The following BMP8B variants were observed in gnomAD, a reference collection of about 807,000 sequenced individuals.
BMP8B encodes the protein bone morphogenetic protein 8b, also known as bone morphogenetic protein 8 (osteogenic protein 2).
Under a neutral mutation model 30.3 loss-of-function variants are expected in BMP8B, and 17 were observed. The ratio of observed to expected loss-of-function variants is 0.56; its 90% CI spans 0.38 to 0.84. The LOEUF is 0.84. Ranked by LOEUF, BMP8B falls within the 40% of genes least tolerant of loss-of-function variation. BMP8B has a pLI of 0.00. For missense variants in BMP8B, 253 were observed against 494.6 expected (o/e 0.51, Z 4.63); for synonymous variants, 131 against 214.7 (o/e 0.61, Z 3.41).
At chr1:39,786,780 T>C (rs1312340130) in intron 1 of BMP8B, among the ~76,000 whole-genome samples, 1 of 152,202 alleles carries the variant, frequency 6.6e-6, no homozygotes, top group East Asian at 1.9e-4. Context: ...TCCCACCGGC[T>C]AGAGTCCTGT....
chr1:39,782,463 GT>G (rs1347005244), intron 1 of BMP8B, among the ~76,000 whole-genome samples: 1 of 151,868 alleles, frequency 6.6e-6, no homozygotes, highest in Non-Finnish European at 1.5e-5. Context: ...CACTTGCTTT[GT>G]TTTTGTTTTT....
chr1:39,775,097 A>C, intron 1 of BMP8B, 59 bp from the exon 2 acceptor site: 1 of 1,531,514 alleles, frequency 6.5e-7, no homozygotes, highest in Admixed American at 1.9e-5. Context: ...TGGAGGGGGC[A>C]GAGCTGGTGT....
At position 39,760,082 on chromosome 1, in the gene BMP8B, C is replaced by T; in HGVS notation, c.*337G>A. Reference sequence around the variant, plus strand: ...TTCCACATCTATCTCACGACCTGAGCCAGTAAGGGGCATGGATAGGACCTC... The same window carrying T: ...TTCCACATCTATCTCACGACCTGAGTCAGTAAGGGGCATGGATAGGACCTC... On this transcript the variant is annotated 3_prime_UTR_variant, in exon 7 of 7. Transcript: ENST00000372827. 1 of 323,734 alleles carries T rather than the reference C, an allele frequency of 3.1e-6. No homozygotes were observed. The highest frequency in any genetic ancestry group is 5.9e-6 in the Non-Finnish European group (1 of 170,470). The allele number at this position is 323,734 out of a possible 1,614,324, so 20.1% of individuals were successfully genotyped here.
At position 39,788,695 on chromosome 1, in the gene BMP8B, A is replaced by G; in HGVS notation, c.-210T>C. ...CCTGTCCTGGCTCCTGGACGAGAGG[A>G]CGCGGACGCCACCGCCTCGAGGCCG... On this transcript the variant is annotated 5_prime_UTR_variant, in exon 1 of 7. Transcript: ENST00000372827. The surrounding 1 kb of genome is among the most constrained non-coding windows in gnomAD (Gnocchi z 5.8). 3.8e-6 allele frequency: 1 copy of G among 261,614 alleles called. No individual in the cohort carries two copies. Among genetic ancestry groups the G allele is most frequent in the African/African-American group, 2.3e-5 (1 of 42,926 alleles). 16.2% of individuals were successfully genotyped at this position (261,614 alleles called of 1,614,324 possible).
In BMP8B at chr1:39,769,032, TA is replaced by T. The variant is rs1251804397; in HGVS notation, c.674-4216del. Reference sequence around the variant, plus strand: ...CATTTCTATAAATAAATTTAAAAAATAAAAAAAAATAAGCAGGCATTGTGAT... The same window carrying T: ...CATTTCTATAAATAAATTTAAAAAATAAAAAAAATAAGCAGGCATTGTGAT... On this transcript the variant is annotated intron_variant, in intron 3 of 6. Coordinates refer to ENST00000372827, the MANE Select transcript of BMP8B (RefSeq NM_001720.5). Among the ~76,000 whole-genome samples, 47 of 144,154 alleles carry T rather than the reference TA, an allele frequency of 3.3e-4. 1 individual carries two copies. Among genetic ancestry groups the T allele is most frequent in the African/African-American group, 1.1e-3 (43 of 38,016 alleles). 94.6% of individuals were successfully genotyped at this position (144,154 alleles called of 152,430 possible). A position where few individuals can be genotyped will look rare whatever the true frequency, so the allele number is the denominator to read the frequency against.
Position 39,760,044 on chromosome 1 carries a change from G to A in BMP8B, c.*375C>T, listed in dbSNP as rs1436544810. ...AGGTGGCCAACAGTGGGCTCCAGGTGCCTCTCAGGTCATTCCACATCTATC... is the reference window on the plus strand; with the variant it reads ...AGGTGGCCAACAGTGGGCTCCAGGTACCTCTCAGGTCATTCCACATCTATC... On this transcript the variant is annotated 3_prime_UTR_variant, in exon 7 of 7. Transcript: ENST00000372827. 7.9e-6 allele frequency: 2 copies of A among 254,240 alleles called. No homozygotes were observed. The highest frequency in any genetic ancestry group is 4.4e-5 in the African/African-American group (2 of 45,104). 15.7% of individuals were successfully genotyped at this position (254,240 alleles called of 1,614,324 possible). A position where few individuals can be genotyped will look rare whatever the true frequency, so the allele number is the denominator to read the frequency against.
At chr1:39,787,586 A>G (rs1258271753) in intron 1 of BMP8B, among the ~76,000 whole-genome samples, 1 of 151,952 alleles carries the variant, frequency 6.6e-6, no homozygotes, top group East Asian at 1.9e-4. Context: ...TGTTGGGCCC[A>G]GGGTGACAAG....
chr1:39,788,126 G>T lies in BMP8B; in HGVS notation c.334+26C>A. The T allele has an allele frequency of 6.5e-7, 1 of 1,542,462 alleles. No individual in the cohort carries two copies. On this transcript the variant is annotated intron_variant, in intron 1 of 6. Coordinates refer to ENST00000372827, the MANE Select transcript of BMP8B (RefSeq NM_001720.5). The surrounding 1 kb of genome is among the most constrained non-coding windows in gnomAD (Gnocchi z 5.8). Reference sequence around the variant, plus strand: ...CCCCTGCAGCCAGCTTACTCCGAGGGTCCCCGCGCGGGCGGCCGCACTCAC... The same window carrying T: ...CCCCTGCAGCCAGCTTACTCCGAGGTTCCCCGCGCGGGCGGCCGCACTCAC...
intron 6 of BMP8B, chr1:39,762,619 A>T (rs1475516865): frequency 6.5e-6 from 10 of 1,548,162 alleles, no homozygotes; most frequent in Non-Finnish European, 8.7e-7. Context: ...GAGCCACACC[A>T]TCTAGAAGCT....
intron 1 of BMP8B, among the ~76,000 whole-genome samples, chr1:39,780,002 G>A (rs1013503169): frequency 3.3e-5 from 5 of 152,186 alleles, no homozygotes; most frequent in South Asian, 2.1e-4. Context: ...CCACTTCCAC[G>A]CGCTGTCTTT....
At position 39,763,833 on chromosome 1, in the gene BMP8B, C is replaced by T. The variant is rs753242726; in HGVS notation, c.869-42G>A. ...GGCAAGGTCTTTTCTGGGGTTCCTA[C>T]TGTGTGCAGCTACTATGGGGTACCA... On this transcript the variant is annotated intron_variant, in intron 4 of 6. Coordinates refer to ENST00000372827, the MANE Select transcript of BMP8B (RefSeq NM_001720.5). 23 of 1,586,318 alleles carry T rather than the reference C, an allele frequency of 1.4e-5. 1 individual carries two copies.
At position 39,759,184 on chromosome 1, in the gene BMP8B, CA is replaced by C. The variant is rs1648619587; in HGVS notation, c.*1234del. ...TTTCCGAGAACAGCAGAGGCTGAGA[CA>C]AACCTCTCCACCCAACTCAGCCTAA... On this transcript the variant is annotated 3_prime_UTR_variant, in exon 7 of 7. Transcript: ENST00000372827. The C allele has an allele frequency of 6.6e-6, 1 of 152,334 alleles. No homozygotes were observed. Among genetic ancestry groups the C allele is most frequent in the African/African-American group, 2.4e-5 (1 of 41,460 alleles). The allele number at this position is 152,334 out of a possible 1,614,324, so 9.4% of individuals were successfully genotyped here.
intron 3 of BMP8B, among the ~76,000 whole-genome samples, chr1:39,768,128 T>C (rs1379100883): frequency 1.3e-5 from 2 of 151,452 alleles, no homozygotes; most frequent in Non-Finnish European, 1.5e-5. Context: ...TTTGAGACTA[T>C]AGATTCAGGA....
At position 39,760,228 on chromosome 1, in the gene BMP8B, C is replaced by A. The variant is rs562023415; in HGVS notation, c.*191G>T. ...CCACCTGGGCTGGAAACAGGACAGT[C>A]ACACAAATGCCTGGCAGGGCAAGGG... On this transcript the variant is annotated 3_prime_UTR_variant, in exon 7 of 7. Transcript: ENST00000372827. 4 of 993,514 alleles carry A rather than the reference C, an allele frequency of 4.0e-6. No individual in the cohort carries two copies. Among genetic ancestry groups the A allele is most frequent in the Non-Finnish European group, 4.3e-6 (3 of 695,656 alleles). 61.5% of individuals were successfully genotyped at this position (993,514 alleles called of 1,614,324 possible).
chr1:39,788,603 C>G lies in BMP8B; in HGVS notation c.-118G>C. On this transcript the variant is annotated 5_prime_UTR_variant, in exon 1 of 7. Coordinates refer to ENST00000372827, the MANE Select transcript of BMP8B (RefSeq NM_001720.5). This position sits in a 1 kb window ranked among gnomAD's most constrained non-coding sequence, Gnocchi z 5.8. ...GCTGGGCTCGGCGGGCGGCGGGCGGCGGGGCGGGGCGGGACGGGCGGCGAC... is the reference window on the plus strand; with the variant it reads ...GCTGGGCTCGGCGGGCGGCGGGCGGGGGGGCGGGGCGGGACGGGCGGCGAC... The G allele has an allele frequency of 6.8e-6, 5 of 735,972 alleles. No homozygotes were observed. Among genetic ancestry groups the G allele is most frequent in the Non-Finnish European group, 6.6e-6 (4 of 604,416 alleles). The allele number at this position is 735,972 out of a possible 1,614,324, so 45.6% of individuals were successfully genotyped here.
chr1:39,763,596 A>G lies in BMP8B; in HGVS notation c.948+116T>C, dbSNP rs1471820995. On this transcript the variant is annotated intron_variant, in intron 5 of 6. Transcript: ENST00000372827. ...CTTTAGAAAACTTGGAAAACACAGA[A>G]GAAAAAAATACATAAGAAAATTGAA... 11 of 1,399,864 alleles carry G rather than the reference A, an allele frequency of 7.9e-6. 1 individual carries two copies. The East Asian group carries it at 2.5e-4, about 31-fold the overall frequency. The allele number at this position is 1,399,864 out of a possible 1,614,324, so 86.7% of individuals were successfully genotyped here. A position where few individuals can be genotyped will look rare whatever the true frequency, so the allele number is the denominator to read the frequency against.
At chr1:39,769,564 G>C in intron 3 of BMP8B, 2 of 1,269,700 alleles carry the variant, frequency 1.6e-6, no homozygotes, top group South Asian at 3.2e-5. Flanking sequence ...CAGCTCTCTA[G>C]AGGAGCACTG....
rs964175302 is a variant in BMP8B at position 39,757,294 on chromosome 1, T to C, written c.*3125A>G. 3 of 152,308 alleles carry C rather than the reference T, an allele frequency of 2.0e-5. No individual in the cohort carries two copies. The highest frequency in any genetic ancestry group is 6.5e-5 in the Admixed American group (1 of 15,300). The allele number at this position is 152,308 out of a possible 1,614,324, so 9.4% of individuals were successfully genotyped here. On this transcript the variant is annotated 3_prime_UTR_variant, in exon 7 of 7. Transcript: ENST00000372827. ...TTGTTAAGCATTTATATGTCAGACA[T>C]CCCAAAGATTTGTGTACATATTTAG...
At chr1:39,787,902 G>T in intron 1 of BMP8B, among the ~76,000 whole-genome samples, 1 of 152,240 alleles carries the variant, frequency 6.6e-6, no homozygotes, top group East Asian at 1.9e-4. Context: ...TCCTGGGTGT[G>T]TTTGGGGCAG....
Sources: gnomAD v4.1 joint callset for allele counts (sites outside exome capture counted in the v4.1 genomes callset) on GRCh38, gnomAD v4.1.1 for gene constraint, Gnocchi (gnomAD v3.1) non-coding constraint, MANE v1.5 for transcripts, NCBI Gene and HGNC (gene_info 2026-07-23, HGNC 2026-07-21) for gene names.